SLC6A18: variants seen among roughly 807,000 people sequenced by gnomAD.
SLC6A18 encodes the protein solute carrier family 6 member 18.
Under a neutral mutation model 62.9 loss-of-function variants are expected in SLC6A18, and 58 were observed. The ratio of observed to expected loss-of-function variants is 0.92; its 90% CI spans 0.75 to 1.15. SLC6A18 has a LOEUF of 1.15. SLC6A18 is among the 50% of genes most tolerant of loss of function. The probability of loss-of-function intolerance (pLI) is 0.00; values close to 1 mark genes in which losing one functional copy is unlikely to be tolerated. For synonymous variants in SLC6A18, 382 were observed against 365.8 expected (o/e 1.04, Z -0.51); for missense variants, 793 against 836.6 (o/e 0.95, Z 0.64).
chr5:1,225,956 C>T lies in SLC6A18; in HGVS notation c.160+319C>T, dbSNP rs76619884. Among the ~76,000 whole-genome samples, 65 of 152,304 alleles carry T rather than the reference C, an allele frequency of 4.3e-4. No homozygotes were observed. In the East Asian group the frequency reaches 0.012, roughly 28 times the overall value. On this transcript the variant is annotated intron_variant, in intron 1 of 11. Coordinates refer to ENST00000324642, the MANE Select transcript of SLC6A18 (RefSeq NM_182632.3). Reference sequence around the variant, plus strand: ...GGGCCGCCCTGCCCGACACACACACCCTACAAACAGTGAGCGCTCTTCCAT... The same window carrying T: ...GGGCCGCCCTGCCCGACACACACACTCTACAAACAGTGAGCGCTCTTCCAT...
intron 1 of SLC6A18, among the ~76,000 whole-genome samples, chr5:1,226,161 G>C (rs998882184): frequency 1.3e-5 from 2 of 152,176 alleles, no homozygotes; most frequent in Non-Finnish European, 2.9e-5. Flanking sequence ...GGGGTGCCAG[G>C]ATGTTCAGAA....
In SLC6A18 at chr5:1,242,705, A is replaced by T. The variant is rs146053042; in HGVS notation, c.975-2A>T. 1.7e-4 allele frequency: 273 copies of T among 1,601,662 alleles called. No homozygotes were observed. In the African/African-American group the frequency reaches 1.8e-3, roughly 10 times the overall value. ...AGCCCACAGTCCTCTCTGTCCCCGC[A>T]GAAACATCCTCAGCCTCATCAACGA... On this transcript the variant is annotated splice_acceptor_variant, in intron 7 of 11. Transcript: ENST00000324642. LOFTEE classifies it high-confidence loss of function.
At chr5:1,232,968 A>G in intron 3 of SLC6A18, 80 bp downstream of exon 3, 1 of 1,524,068 alleles carries the variant, frequency 6.6e-7, no homozygotes, top group South Asian at 1.3e-5. Context: ...GCATCAGAGC[A>G]GCTGCGGGTG....
chr5:1,231,669 C>A (rs917613646), intron 1 of SLC6A18, among the ~76,000 whole-genome samples: 1 of 152,184 alleles, frequency 6.6e-6, no homozygotes, highest in Admixed American at 6.5e-5. Context: ...AGACCTCCTC[C>A]GGTGACTGGG....
rs750538118 is a variant in SLC6A18 at position 1,240,514 on chromosome 5, C to T, written c.846-17C>T. 1.5e-5 allele frequency: 24 copies of T among 1,613,608 alleles called. No homozygotes were observed. Among genetic ancestry groups the T allele is most frequent in the South Asian group, 2.2e-5 (2 of 91,010 alleles). On this transcript the variant is annotated splice_polypyrimidine_tract_variant and intron_variant, in intron 6 of 11. Coordinates refer to ENST00000324642, the MANE Select transcript of SLC6A18 (RefSeq NM_182632.3). ...TACCTCCTGCAAAGCCTGTGATGAG[C>T]GTGCGTTTGTGCCCAGGAATGACTG... is the stretch of plus-strand genomic sequence containing the variant.
chr5:1,226,366 G>A (rs556550946), intron 1 of SLC6A18, among the ~76,000 whole-genome samples: 6 of 152,278 alleles, frequency 3.9e-5, no homozygotes, highest in Admixed American at 1.3e-4. Flanking sequence ...GGGAGCCGAC[G>A]TACAACATCA....
At chr5:1,239,651 A>T (rs756835767) in intron 6 of SLC6A18, 89 bp downstream of exon 6, 17 of 1,049,506 alleles carry the variant, frequency 1.6e-5, no homozygotes, top group Non-Finnish European at 2.5e-5. Context: ...TGTGGATCCA[A>T]GGGTGGCCTT....
chr5:1,245,009 C>T (rs1229468970), intron 11 of SLC6A18, among the ~76,000 whole-genome samples: 2 of 152,150 alleles, frequency 1.3e-5, no homozygotes. Context: ...GGGCAAGCGC[C>T]TGGTCAGTGG....
intron 6 of SLC6A18, 46 bp from the exon 7 acceptor site, chr5:1,240,485 C>G: frequency 6.2e-7 from 1 of 1,609,546 alleles, no homozygotes; most frequent in Non-Finnish European, 8.5e-7. Flanking sequence ...GGATGAGGCC[C>G]AGTTACCTCC....
At chr5:1,236,787 GC>G (rs1417646207) in intron 4 of SLC6A18, among the ~76,000 whole-genome samples, 1 of 152,104 alleles carries the variant, frequency 6.6e-6, no homozygotes, top group Non-Finnish European at 1.5e-5. Flanking sequence ...GGACGCCAGT[GC>G]CCCATGCCCT....
intron 5 of SLC6A18, 134 bp from the exon 6 acceptor site, chr5:1,239,316 T>G (rs568231775): frequency 1.8e-4 from 120 of 657,582 alleles, no homozygotes; most frequent in Admixed American, 3.3e-4. Context: ...TCCTACCCTG[T>G]TCCTGGTGTC....
At chr5:1,239,365 A>T in intron 5 of SLC6A18, 85 bp from the exon 6 acceptor site, 1 of 1,015,540 alleles carries the variant, frequency 9.8e-7, no homozygotes, top group Non-Finnish European at 1.5e-6. Flanking sequence ...CCCCAAAGCC[A>T]CCTTGGGAAC....
intron 5 of SLC6A18, among the ~76,000 whole-genome samples, chr5:1,239,142 T>C (rs966966936): frequency 1.3e-5 from 2 of 152,242 alleles, no homozygotes; most frequent in African/African-American, 4.8e-5. Context: ...ACAGTAAACA[T>C]GCCCATGCAG....
At position 1,240,579 on chromosome 5, in the gene SLC6A18, G is replaced by T. The variant is rs1370463705; in HGVS notation, c.894G>T (p.Met298Ile). 2 of 1,614,164 alleles carry T rather than the reference G, an allele frequency of 1.2e-6. No individual in the cohort carries two copies. Among genetic ancestry groups the T allele is most frequent in the Non-Finnish European group, 1.7e-6 (2 of 1,180,036 alleles). The change falls in exon 7 of 12, where the codon ATG becomes ATT. Residue 298 changes from methionine (M) to isoleucine (I), a missense_variant. Met to Ile is a conservative substitution (Grantham distance 10). Transcript: ENST00000324642. ...TGGTCATCGCCCTGGTCAACAGGATGACCTCCCTGTACGCGTCCATCGCTG... is the reference window on the plus strand; with the variant it reads ...TGGTCATCGCCCTGGTCAACAGGATTACCTCCCTGTACGCGTCCATCGCTG... ...DAVVIALVNR[M>I]TSLYASIAVF...
chr5:1,244,706 T>A lies in SLC6A18; in HGVS notation c.1595T>A (p.Val532Glu). The change falls in exon 11 of 12, where the codon GTG becomes GAG. Residue 532 changes from valine (V) to glutamate (E), a missense_variant. Val to Glu is a moderately radical substitution (Grantham distance 121). Transcript: ENST00000324642. ...VVSPLLLTIF[V>E]AYIILLFWKP... ...AGTCCCCTGCTGCTGACCATCTTTG[T>A]GGCTTACATCATCCTCCTGTTCTGG... 1 of 1,613,280 alleles carries A rather than the reference T, an allele frequency of 6.2e-7. No individual in the cohort carries two copies.
At chr5:1,233,494 A>C (rs1365009195) in intron 3 of SLC6A18, among the ~76,000 whole-genome samples, 1 of 152,082 alleles carries the variant, frequency 6.6e-6, no homozygotes, top group Non-Finnish European at 1.5e-5. Flanking sequence ...CAATCGAACA[A>C]ACAAACAAAA....
At chr5:1,235,954 T>A (rs1001898855) in intron 4 of SLC6A18, among the ~76,000 whole-genome samples, 10 of 152,254 alleles carry the variant, frequency 6.6e-5, no homozygotes, top group African/African-American at 2.4e-4. Flanking sequence ...AAACTTTTTG[T>A]ATCTTTATGT....
In SLC6A18 at chr5:1,243,819, C is replaced by T. The variant is rs568177053; in HGVS notation, c.1336+60C>T. ...TCCCCAGCATCTGACTGTCCACTCCCGCCCGCTGTCCAGACGCCCCTCCTG... is the reference window on the plus strand; with the variant it reads ...TCCCCAGCATCTGACTGTCCACTCCTGCCCGCTGTCCAGACGCCCCTCCTG... On this transcript the variant is annotated intron_variant, in intron 9 of 11. Coordinates refer to ENST00000324642, the MANE Select transcript of SLC6A18 (RefSeq NM_182632.3). The surrounding 1 kb of genome is among the most constrained non-coding windows in gnomAD (Gnocchi z 6.5). 5.4e-6 allele frequency: 8 copies of T among 1,470,740 alleles called. No homozygotes were observed. The highest frequency in any genetic ancestry group is 2.0e-5 in the Admixed American group (1 of 49,454). The allele number at this position is 1,470,740 out of a possible 1,614,324, so 91.1% of individuals were successfully genotyped here. A position where few individuals can be genotyped will look rare whatever the true frequency, so the allele number is the denominator to read the frequency against.
rs565008139 is a variant in SLC6A18 at position 1,240,421 on chromosome 5, T to A, written c.846-110T>A. 7.9e-6 allele frequency: 12 copies of A among 1,512,160 alleles called. No homozygotes were observed. In the East Asian group the frequency reaches 2.6e-4, roughly 32 times the overall value. 93.7% of individuals were successfully genotyped at this position (1,512,160 alleles called of 1,614,324 possible). The stretch of plus-strand genomic sequence containing the variant: ...CAGCCCTTGGGTCAGAGAAGGGGCA[T>A]CCCAGGCGGGAGAGAGGGTCAAGGA... On this transcript the variant is annotated intron_variant, in intron 6 of 11. Coordinates refer to ENST00000324642, the MANE Select transcript of SLC6A18 (RefSeq NM_182632.3).
Sources: allele counts gnomAD v4.1 joint callset (sites outside exome capture counted in the v4.1 genomes callset), GRCh38; gene constraint gnomAD v4.1.1; non-coding constraint Gnocchi (gnomAD v3.1); transcripts MANE v1.5; gene names NCBI Gene and HGNC (gene_info 2026-07-23, HGNC 2026-07-21).